RBFOX3: variants seen among roughly 807,000 people sequenced by gnomAD.
RBFOX3 encodes RNA binding fox-1 homolog 3, also known as RNA binding protein fox-1 homolog 3.
Under a neutral mutation model 48.7 loss-of-function variants are expected in RBFOX3, and 17 were observed. The ratio of observed to expected loss-of-function variants is 0.35; its 90% CI spans 0.24 to 0.52. RBFOX3 has a LOEUF of 0.52. Ranked by LOEUF, RBFOX3 falls within the 20% of genes least tolerant of loss-of-function variation. The probability of loss-of-function intolerance (pLI) is 0.94; values close to 1 mark genes in which losing one functional copy is unlikely to be tolerated. For missense variants in RBFOX3, 382 were observed against 497.5 expected, an observed-to-expected ratio of 0.77 and a Z score of 2.21; for synonymous variants, 212 against 209.5, an observed-to-expected ratio of 1.01 and a Z score of -0.10.
intron 2 of RBFOX3, among the ~76,000 whole-genome samples, chr17:79,374,042 T>C (rs1460882763): frequency 6.6e-6 from 1 of 152,144 alleles, no homozygotes; most frequent in Non-Finnish European, 1.5e-5. Context: ...TTTGGACTTT[T>C]AGTAGAGACG....
At chr17:79,141,855 A>C (rs1246519827) in intron 4 of RBFOX3, among the ~76,000 whole-genome samples, 2 of 152,218 alleles carry the variant, frequency 1.3e-5, no homozygotes, top group African/African-American at 2.4e-5. Context: ...GTTATCTATA[A>C]GAACCCTGCT....
intron 4 of RBFOX3, among the ~76,000 whole-genome samples, chr17:79,177,527 C>G (rs541670494): frequency 8.6e-4 from 131 of 152,328 alleles, no homozygotes; most frequent in Admixed American, 3.5e-3. Flanking sequence ...CAGCTTACCC[C>G]CCTCTGCGAG....
chr17:79,550,455 A>ACT lies in RBFOX3; in HGVS notation c.-320+60370_-320+60371insAG, dbSNP rs1176974257. 3.9e-3 allele frequency among the ~76,000 whole-genome samples: 588 copies of ACT among 152,006 alleles called. 4 individuals carry two copies. Among genetic ancestry groups the ACT allele is most frequent in the Non-Finnish European group, 4.6e-3 (314 of 67,924 alleles). ...CAAGCTCATGGTAAGGAAGTACATC[A>ACT]CACACACACGTCTAGTACCCAAGCC... is the stretch of plus-strand genomic sequence containing the variant. On this transcript the variant is annotated intron_variant, in intron 1 of 14. Coordinates refer to ENST00000693108, the MANE Select transcript of RBFOX3 (RefSeq NM_001350451.2).
At chr17:79,155,665 C>A (rs1028026272) in intron 4 of RBFOX3, among the ~76,000 whole-genome samples, 1 of 151,992 alleles carries the variant, frequency 6.6e-6, no homozygotes, top group African/African-American at 2.4e-5. Flanking sequence ...GAGATGAGAA[C>A]GACCAACTCT....
At chr17:79,651,338 C>T in the RBFOX3 span, among the ~76,000 whole-genome samples, 1 of 152,132 alleles carries the variant, frequency 6.6e-6, no homozygotes, top group Non-Finnish European at 1.5e-5. Flanking sequence ...AGACAGACAG[C>T]GCCAGAGAGT....
chr17:79,620,493 A>ACG, the RBFOX3 span, among the ~76,000 whole-genome samples: 1 of 134,142 alleles, frequency 7.5e-6, no homozygotes, highest in Non-Finnish European at 1.5e-5. Flanking sequence ...ACGTGCACAC[A>ACG]CGCGCACACA....
intron 3 of RBFOX3, among the ~76,000 whole-genome samples, chr17:79,302,896 C>T (rs2075535351): frequency 6.6e-6 from 1 of 152,158 alleles, no homozygotes; most frequent in African/African-American, 2.4e-5. Flanking sequence ...TACTCAATGC[C>T]ACTAAGTTGT....
chr17:79,316,747 A>G (rs2077592581), intron 2 of RBFOX3, among the ~76,000 whole-genome samples: 1 of 152,270 alleles, frequency 6.6e-6, no homozygotes, highest in South Asian at 2.1e-4. Context: ...TATGCAGTTA[A>G]ATTAGAAATT....
chr17:79,104,722 G>A (rs2077050874), intron 6 of RBFOX3, among the ~76,000 whole-genome samples: 1 of 152,210 alleles, frequency 6.6e-6, no homozygotes, highest in East Asian at 1.9e-4. Context: ...TCAGGAAATG[G>A]AGACTGAGGC....
At chr17:79,211,133 A>C (rs1040574825) in intron 4 of RBFOX3, among the ~76,000 whole-genome samples, 2 of 152,192 alleles carry the variant, frequency 1.3e-5, no homozygotes, top group Admixed American at 6.5e-5. Flanking sequence ...CACCTTCTCC[A>C]GCGTCCGGCG....
intron 2 of RBFOX3, among the ~76,000 whole-genome samples, chr17:79,402,485 C>T (rs886237242): frequency 6.6e-6 from 1 of 152,166 alleles, no homozygotes; most frequent in Admixed American, 6.5e-5. Flanking sequence ...CTTGTGCTAA[C>T]GGGGATTAAC....
rs906559438 is a variant in RBFOX3, at chr17:79,220,217, C to A, written c.-34+15549G>T. 6.6e-5 allele frequency among the ~76,000 whole-genome samples: 10 copies of A among 152,102 alleles called. No individual in the cohort carries two copies. Among genetic ancestry groups the A allele is most frequent in the African/African-American group, 1.4e-4 (6 of 41,420 alleles). ...TCATCATTTCGGAACCGCGGCTCCA[C>A]AGCAGGCTCCCGGGGAGGAGGGGAG... On this transcript the variant is annotated intron_variant, in intron 4 of 14. Coordinates refer to ENST00000693108, the MANE Select transcript of RBFOX3 (RefSeq NM_001350451.2). This position sits in a 1 kb window ranked among gnomAD's most constrained non-coding sequence, Gnocchi z 5.9.
the RBFOX3 span, among the ~76,000 whole-genome samples, chr17:79,619,117 C>T: frequency 6.6e-6 from 1 of 152,192 alleles, no homozygotes; most frequent in Non-Finnish European, 1.5e-5. Context: ...GACGTGGCAT[C>T]GTGAAAAATA....
chr17:79,412,322 G>T (rs1464878402), intron 2 of RBFOX3, among the ~76,000 whole-genome samples: 1 of 151,948 alleles, frequency 6.6e-6, no homozygotes, highest in Admixed American at 6.6e-5. Flanking sequence ...GTATATAAAT[G>T]TGTGTGGTGT....
At chr17:79,099,153 C>G (rs748423713) in intron 9 of RBFOX3, 1 of 152,490 alleles carries the variant, frequency 6.6e-6, no homozygotes, top group Non-Finnish European at 1.5e-5. Context: ...GGCACAGTTT[C>G]TTGCTCTGTT....
intron 4 of RBFOX3, among the ~76,000 whole-genome samples, chr17:79,129,591 T>C (rs1222734704): frequency 1.3e-5 from 2 of 152,230 alleles, no homozygotes; most frequent in Non-Finnish European, 1.5e-5. Flanking sequence ...ACCTCTGTGC[T>C]TGACACTGTC....
chr17:79,118,989 A>T lies in RBFOX3; in HGVS notation c.-33-3241T>A, dbSNP rs542995096. Among the ~76,000 whole-genome samples, 1,285 of 148,514 alleles carry T rather than the reference A, an allele frequency of 8.7e-3. 16 individuals carry two copies. Among genetic ancestry groups the T allele is most frequent in the African/African-American group, 0.023 (959 of 40,824 alleles). On this transcript the variant is annotated intron_variant, in intron 4 of 14. Transcript: ENST00000693108. Reference sequence around the variant, plus strand: ...AACCCCTGTCTCAAAAAAAAAAAAAAAAAATAAAGAAAATAAAATAAAAAA... The same window carrying T: ...AACCCCTGTCTCAAAAAAAAAAAAATAAAATAAAGAAAATAAAATAAAAAA...
At chr17:79,472,200 C>T (rs916681778) in intron 2 of RBFOX3, among the ~76,000 whole-genome samples, 6 of 152,292 alleles carry the variant, frequency 3.9e-5, no homozygotes, top group African/African-American at 9.6e-5. Flanking sequence ...GTGTGCCTGA[C>T]GGGGCCCATC....
chr17:79,617,410 G>A, the RBFOX3 span, among the ~76,000 whole-genome samples: 1,084 of 151,170 alleles, frequency 7.2e-3, 23 homozygotes, highest in East Asian at 0.024. Flanking sequence ...CTACCTCCAC[G>A]TCCACACCCA....
Sources: gnomAD v4.1 joint callset for allele counts (sites outside exome capture counted in the v4.1 genomes callset) on GRCh38, gnomAD v4.1.1 for gene constraint, Gnocchi (gnomAD v3.1) non-coding constraint, MANE v1.5 for transcripts, NCBI Gene and HGNC (gene_info 2026-07-23, HGNC 2026-07-21) for gene names.